Variants in ANAPC1 observed in about 807,000 individuals in gnomAD.
ANAPC1 encodes anaphase promoting complex subunit 1.
Under a neutral mutation model 208.0 loss-of-function variants are expected in ANAPC1, and 36 were observed. The ratio of observed to expected loss-of-function variants is 0.17; its 90% CI spans 0.13 to 0.23. The LOEUF is 0.23. ANAPC1 is among the 10% of genes least tolerant of loss of function. The pLI is 1.00. For missense variants in ANAPC1, 942 were observed against 2,011.6 expected (o/e 0.47, Z 10.17); for synonymous variants, 378 against 695.2 (o/e 0.54, Z 7.18).
chr2:111,829,336 G>T (rs57503347), intron 21 of ANAPC1, among the ~76,000 whole-genome samples: 3 of 152,142 alleles, frequency 2.0e-5, no homozygotes, highest in South Asian at 2.1e-4. Flanking sequence ...GGAGCCATGG[G>T]GGGGACTGTG....
chr2:111,864,705 C>T lies in ANAPC1; in HGVS notation c.831+101G>A, dbSNP rs374515350. 6.0e-5 allele frequency: 95 copies of T among 1,570,996 alleles called. 1 individual carries two copies. The highest frequency in any genetic ancestry group is 2.6e-4 in the East Asian group (11 of 43,078). ...TTGAACGTCCTGACCTCAAGTGATC[C>T]GCCTGCCTTGGCCTCCCAAAATGCT... On this transcript the variant is annotated intron_variant, in intron 8 of 47. Transcript: ENST00000341068.
chr2:111,825,643 G>A (rs982155048), intron 22 of ANAPC1, 134 bp downstream of exon 22: 21 of 786,722 alleles, frequency 2.7e-5, no homozygotes, highest in Middle Eastern at 2.6e-4. Flanking sequence ...ACAAAAGACC[G>A]CAACAGACCA....
downstream of ANAPC1, chr2:111,766,299 A>G (rs1676471295): frequency 6.6e-6 from 1 of 152,624 alleles, no homozygotes; most frequent in African/African-American, 2.4e-5. Context: ...TGACGTAATG[A>G]GAAGCAACCA....
intron 21 of ANAPC1, among the ~76,000 whole-genome samples, chr2:111,827,659 G>A (rs1679907544): frequency 1.3e-5 from 2 of 152,274 alleles, no homozygotes; most frequent in African/African-American, 4.8e-5. Flanking sequence ...GGAGGCCGAG[G>A]TGGAAGGACT....
intron 16 of ANAPC1, among the ~76,000 whole-genome samples, chr2:111,846,450 A>G (rs961273264): frequency 1.3e-5 from 2 of 149,498 alleles, no homozygotes; most frequent in African/African-American, 4.9e-5. Flanking sequence ...AAAAACATTA[A>G]ATATGCCAAG....
intron 10 of ANAPC1, among the ~76,000 whole-genome samples, chr2:111,860,099 A>T (rs1244949620): frequency 6.6e-6 from 1 of 151,998 alleles, no homozygotes; most frequent in African/African-American, 2.4e-5. Flanking sequence ...GGAGTTTGAG[A>T]CCAGCCTGGG....
At chr2:111,865,066 A>G (rs71414605) in intron 7 of ANAPC1, 115 bp from the exon 8 acceptor site, 622,253 of 1,039,688 alleles carry the variant, frequency 0.6, 188,589 homozygotes, top group South Asian at 0.68. Context: ...CAAAGAGAGC[A>G]CAAAATTTAT....
At position 111,863,733 on chromosome 2, in the gene ANAPC1, T is replaced by C. The variant is rs374394520; in HGVS notation, c.994A>G (p.Thr332Ala). 9.4e-5 allele frequency: 152 copies of C among 1,613,762 alleles called. No homozygotes were observed. Among genetic ancestry groups the C allele is most frequent in the Non-Finnish European group, 1.2e-4 (138 of 1,179,860 alleles). ...CGAGAATGTAGACTGGGTGATGAGGTTGAGCGACTCTGGCTGTGAATGGAG... is the reference window on the plus strand; with the variant it reads ...CGAGAATGTAGACTGGGTGATGAGGCTGAGCGACTCTGGCTGTGAATGGAG... Reference protein sequence around the residue: ...YSSIHSQSRSTSSPSLHSRSP... With the variant: ...YSSIHSQSRSASSPSLHSRSP... The change falls in exon 9 of 48, where the codon ACC (threonine) becomes GCC (alanine). Residue 332 changes from threonine (T) to alanine (A), a missense_variant. Physicochemically the swap from Thr to Ala is moderately conservative, Grantham distance 58 (BLOSUM62 0). Transcript: ENST00000341068.
At chr2:111,866,577 T>C (rs1435647143) in intron 7 of ANAPC1, among the ~76,000 whole-genome samples, 2 of 149,356 alleles carry the variant, frequency 1.3e-5, no homozygotes. Context: ...ATACAAAAAA[T>C]TAGCTGGGCG....
chr2:111,824,820 A>G, intron 24 of ANAPC1, 146 bp downstream of exon 24: 1 of 870,722 alleles, frequency 1.1e-6, no homozygotes. Context: ...GATTGTCGAG[A>G]AAAAAAGAAT....
chr2:111,852,593 T>A (rs1033570619), intron 13 of ANAPC1, among the ~76,000 whole-genome samples: 27 of 152,220 alleles, frequency 1.8e-4, no homozygotes, highest in Non-Finnish European at 2.8e-4. Flanking sequence ...GGATTTTTTT[T>A]AATCATGGAT....
chr2:111,824,928 A>T (rs760675254), intron 24 of ANAPC1, 38 bp downstream of exon 24: 3 of 1,611,718 alleles, frequency 1.9e-6, no homozygotes, highest in Non-Finnish European at 2.5e-6. Flanking sequence ...GTCTGGAGGA[A>T]GCACGGCCTA....
At chr2:111,874,341 T>C (rs1306184374) in intron 3 of ANAPC1, among the ~76,000 whole-genome samples, 3 of 152,198 alleles carry the variant, frequency 2.0e-5, no homozygotes, top group Middle Eastern at 3.2e-3. Context: ...ACGAGCTTAG[T>C]ACAATTTGTG....
chr2:111,872,527 A>G, intron 6 of ANAPC1, 103 bp downstream of exon 6: 1 of 958,978 alleles, frequency 1.0e-6, no homozygotes. Flanking sequence ...CTATGCTGTC[A>G]ACATGAAAAT....
At chr2:111,847,624 A>C (rs1255368238) in intron 15 of ANAPC1, 101 bp downstream of exon 15, 1 of 1,320,446 alleles carries the variant, frequency 7.6e-7, no homozygotes, top group Non-Finnish European at 9.9e-7. Flanking sequence ...TTTTTAAATC[A>C]TGAGAAATGT....
intron 3 of ANAPC1, among the ~76,000 whole-genome samples, chr2:111,875,006 T>C (rs1045054454): frequency 6.6e-6 from 1 of 152,152 alleles, no homozygotes; most frequent in African/African-American, 2.4e-5. Flanking sequence ...TTTTGAGAAA[T>C]CGCCAAACTT....
At chr2:111,788,813 G>A (rs1394291553) in intron 38 of ANAPC1, among the ~76,000 whole-genome samples, 1 of 151,832 alleles carries the variant, frequency 6.6e-6, no homozygotes, top group Admixed American at 6.6e-5. Context: ...TAGAATGACT[G>A]ACTAAATGAA....
chr2:111,846,204 A>G (rs181833931), intron 16 of ANAPC1, among the ~76,000 whole-genome samples: 3,123 of 152,084 alleles, frequency 0.021, 45 homozygotes, highest in Non-Finnish European at 0.033. Context: ...AATCCCTTCA[A>G]TTCTAACATT....
rs182404940 is a variant in ANAPC1 at position 111,872,125 on chromosome 2, G to A, written c.611+505C>T. On this transcript the variant is annotated intron_variant, in intron 6 of 47. Coordinates refer to ENST00000341068, the MANE Select transcript of ANAPC1 (RefSeq NM_022662.4). ...CCCATTCAGTATGATGTTGGCTGTG[G>A]GTTTGTTGTATATGACTTTTATTAA... 2.7e-3 allele frequency among the ~76,000 whole-genome samples: 404 copies of A among 152,184 alleles called. 4 individuals are homozygous for A. In the East Asian group the frequency reaches 0.038, roughly 14 times the overall value.
Sources: gnomAD v4.1 joint callset for allele counts (sites outside exome capture counted in the v4.1 genomes callset) on GRCh38, gnomAD v4.1.1 for gene constraint, MANE v1.5 for transcripts, NCBI Gene and HGNC (gene_info 2026-07-23, HGNC 2026-07-21) for gene names.